LUZP2: variants seen among roughly 807,000 people sequenced by gnomAD.
LUZP2 encodes the protein leucine zipper protein 2.
LUZP2 carries 52 observed loss-of-function variants against 51.6 expected under a neutral mutation model. The ratio of observed to expected loss-of-function variants is 1.01; its 90% CI spans 0.81 to 1.27. The LOEUF is 1.27. Ranked by LOEUF, LUZP2 falls within the 50% of genes most tolerant of loss-of-function variation. The pLI, the probability that LUZP2 is intolerant of heterozygous loss-of-function variation, is 0.00. For synonymous variants in LUZP2, 154 were observed against 137.3 expected (o/e 1.12, Z -0.85); for missense variants, 436 against 395.4 (o/e 1.10, Z -0.87).
chr11:25,052,668 C>T (rs560953360), intron 10 of LUZP2, among the ~76,000 whole-genome samples: 1 of 152,100 alleles, frequency 6.6e-6, no homozygotes, highest in South Asian at 2.1e-4. Flanking sequence ...GTAGCAGTAT[C>T]AAAATACTGA....
intron 1 of LUZP2, among the ~76,000 whole-genome samples, chr11:24,607,173 G>A (rs965360548): frequency 1.4e-5 from 2 of 147,796 alleles, no homozygotes; most frequent in South Asian, 2.1e-4. Flanking sequence ...TTATTTTCTC[G>A]CCTAGGCTTT....
intron 7 of LUZP2, among the ~76,000 whole-genome samples, chr11:24,923,487 A>T (rs1007886166): frequency 1.3e-5 from 2 of 151,988 alleles, no homozygotes; most frequent in African/African-American, 4.8e-5. Context: ...ACCTGAGGTC[A>T]GGAGATTGAG....
At chr11:24,927,848 A>G (rs1409150240) in intron 7 of LUZP2, among the ~76,000 whole-genome samples, 2 of 151,922 alleles carry the variant, frequency 1.3e-5, no homozygotes, top group African/African-American at 4.8e-5. Context: ...TTATCACGAT[A>G]TTGATTCTAC....
chr11:24,924,054 C>G (rs1024753528), intron 7 of LUZP2, among the ~76,000 whole-genome samples: 2 of 151,798 alleles, frequency 1.3e-5, no homozygotes, highest in Non-Finnish European at 2.9e-5. Context: ...GCTTGCCCCC[C>G]CACACCCAGC....
intron 7 of LUZP2, among the ~76,000 whole-genome samples, chr11:24,955,713 T>A (rs1855193546): frequency 1.3e-5 from 2 of 152,128 alleles, no homozygotes; most frequent in South Asian, 2.1e-4. Context: ...ACCAGGGATA[T>A]AAGGCAACAT....
At chr11:24,946,851 C>T (rs1324000661) in intron 7 of LUZP2, among the ~76,000 whole-genome samples, 7 of 151,866 alleles carry the variant, frequency 4.6e-5, no homozygotes, top group Non-Finnish European at 1.0e-4. Context: ...CTTCTGTGTG[C>T]TATTATTGTC....
chr11:24,720,366 A>G (rs1450117605), intron 1 of LUZP2, among the ~76,000 whole-genome samples: 2 of 152,242 alleles, frequency 1.3e-5, no homozygotes, highest in Admixed American at 6.5e-5. Flanking sequence ...TGTAAAAATT[A>G]TAAGCAAAAT....
intron 5 of LUZP2, among the ~76,000 whole-genome samples, chr11:24,885,292 T>G (rs1852634255): frequency 6.6e-6 from 1 of 152,138 alleles, no homozygotes; most frequent in South Asian, 2.1e-4. Flanking sequence ...GTCAATTTTA[T>G]TGTAATAATA....
intron 1 of LUZP2, among the ~76,000 whole-genome samples, chr11:24,646,941 C>T (rs1223508448): frequency 6.6e-5 from 10 of 152,000 alleles, no homozygotes; most frequent in African/African-American, 2.2e-4. Flanking sequence ...TATTGAATTA[C>T]ACATGAGGAA....
chr11:25,021,258 G>T (rs1857323603), intron 9 of LUZP2, among the ~76,000 whole-genome samples: 1 of 151,540 alleles, frequency 6.6e-6, no homozygotes, highest in African/African-American at 2.4e-5. Flanking sequence ...ATTAATCCAG[G>T]TTATATTCAA....
chr11:24,611,375 C>A lies in LUZP2; in HGVS notation c.62+114070C>A, dbSNP rs570052768. Among the ~76,000 whole-genome samples the A allele has an allele frequency of 6.6e-6, 1 of 152,100 alleles. No individual in the cohort carries two copies. Among genetic ancestry groups the A allele is most frequent in the South Asian group, 2.1e-4 (1 of 4,820 alleles). On this transcript the variant is annotated intron_variant, in intron 1 of 11. Coordinates refer to ENST00000336930, the MANE Select transcript of LUZP2 (RefSeq NM_001009909.4). The surrounding 1 kb of genome is among the most constrained non-coding windows in gnomAD (Gnocchi z 4.6). The stretch of plus-strand genomic sequence containing the variant: ...TTCATAAAATTAACTGAGATAAGTA[C>A]CATTTACCCCATTATATATACATAC...
chr11:24,711,294 C>CA lies in LUZP2; in HGVS notation c.63-17869dup, dbSNP rs565781080. 3.6e-3 allele frequency among the ~76,000 whole-genome samples: 543 copies of CA among 151,908 alleles called. 7 individuals are homozygous for CA. Among genetic ancestry groups the CA allele is most frequent in the Admixed American group, 0.025 (385 of 15,254 alleles). On this transcript the variant is annotated intron_variant, in intron 1 of 11. Transcript: ENST00000336930. ...GAAACCCCCGTCTCTACTAAAAATACAAAAAATTAGCCGGGTGTGGCGGCG... is the reference window on the plus strand; with the variant it reads ...GAAACCCCCGTCTCTACTAAAAATACAAAAAAATTAGCCGGGTGTGGCGGCG...
chr11:24,537,667 G>A (rs1851221007), intron 1 of LUZP2, among the ~76,000 whole-genome samples: 2 of 151,496 alleles, frequency 1.3e-5, no homozygotes, highest in Non-Finnish European at 2.9e-5. Flanking sequence ...GTTAAATTTT[G>A]TAAAGGTAAT....
chr11:24,647,601 C>T (rs1270072884), intron 1 of LUZP2, among the ~76,000 whole-genome samples: 5 of 151,864 alleles, frequency 3.3e-5, no homozygotes, highest in Admixed American at 6.6e-5. Flanking sequence ...ATCACTCACA[C>T]ATAGAGAAAC....
At chr11:24,907,430 A>C (rs905905506) in intron 6 of LUZP2, among the ~76,000 whole-genome samples, 4 of 152,072 alleles carry the variant, frequency 2.6e-5, no homozygotes. Flanking sequence ...CTAAAAGATG[A>C]TGTTCCATAG....
At chr11:24,765,107 T>A (rs12281860) in intron 5 of LUZP2, among the ~76,000 whole-genome samples, 1 of 152,112 alleles carries the variant, frequency 6.6e-6, no homozygotes, top group Non-Finnish European at 1.5e-5. Context: ...GAACATATAT[T>A]AGCAATTAAA....
chr11:24,865,311 T>G (rs188830757), intron 5 of LUZP2, among the ~76,000 whole-genome samples: 1 of 152,236 alleles, frequency 6.6e-6, no homozygotes, highest in Non-Finnish European at 1.5e-5. Flanking sequence ...TTGTTTTTGT[T>G]AATACTATTG....
At chr11:24,568,711 C>G (rs922530424) in intron 1 of LUZP2, among the ~76,000 whole-genome samples, 1 of 151,892 alleles carries the variant, frequency 6.6e-6, no homozygotes, top group Non-Finnish European at 1.5e-5. Flanking sequence ...AGTTATTATG[C>G]AAATGTTTCT....
intron 7 of LUZP2, among the ~76,000 whole-genome samples, chr11:24,918,801 C>A (rs1185072843): frequency 6.9e-6 from 1 of 145,132 alleles, no homozygotes; most frequent in Non-Finnish European, 1.5e-5. Context: ...TTATATCTGC[C>A]TGGTCATTGA....
Sources: allele counts gnomAD v4.1 joint callset (sites outside exome capture counted in the v4.1 genomes callset), GRCh38; gene constraint gnomAD v4.1.1; non-coding constraint Gnocchi (gnomAD v3.1); transcripts MANE v1.5; gene names NCBI Gene and HGNC (gene_info 2026-07-23, HGNC 2026-07-21).